The following LYPD8 variants were observed in gnomAD, a reference collection of about 807,000 sequenced individuals.
LYPD8 encodes the protein LY6/PLAUR domain containing 8, also known as ly6/PLAUR domain-containing protein 8.
In LYPD8, 8 loss-of-function variants were observed where a neutral mutation model predicts 1.7. The observed-to-expected ratio is 4.58, with a 90% CI of 2.69 to 8.27. LYPD8 has a LOEUF of 8.27. LYPD8 is among the 30% of genes most tolerant of loss of function. The probability of loss-of-function intolerance (pLI) is 0.00; values close to 1 mark genes in which losing one functional copy is unlikely to be tolerated. For synonymous variants in LYPD8, 50 were observed against 43.6 expected, an observed-to-expected ratio of 1.15 and a Z score of -0.58; for missense variants, 112 against 102.3, an observed-to-expected ratio of 1.09 and a Z score of -0.41.
At chr1:248,741,342 G>T (rs1244241686) in intron 6 of LYPD8, among the ~76,000 whole-genome samples, 3 of 152,174 alleles carry the variant, frequency 2.0e-5, no homozygotes, top group Non-Finnish European at 4.4e-5. Context: ...GAGTAGTACG[G>T]ACTACAGGCG....
intron 2 of LYPD8, among the ~76,000 whole-genome samples, chr1:248,752,745 A>C (rs1427384140): frequency 3.0e-5 from 3 of 98,584 alleles, no homozygotes; most frequent in Non-Finnish European, 4.2e-5. Flanking sequence ...CACACACACC[A>C]CACACCCCAC....
In LYPD8 at chr1:248,751,188, G is replaced by A. The variant is rs2103171633; in HGVS notation, c.-49-58C>T. On this transcript the variant is annotated intron_variant, in intron 2 of 6. Coordinates refer to ENST00000590317, the MANE Select transcript of LYPD8 (RefSeq NM_001085474.2). The stretch of plus-strand genomic sequence containing the variant: ...CTTGGAGGGCTGCCTCTCATCCCCT[G>A]GGGCTTTTAATCGCACTGTAAGAAG... 1.0e-5 allele frequency: 4 copies of A among 397,854 alleles called. No individual in the cohort carries two copies. In the South Asian group the frequency reaches 3.9e-4, roughly 39 times the overall value. The allele number at this position is 397,854 out of a possible 1,614,324, so 24.6% of individuals were successfully genotyped here.
intron 2 of LYPD8, among the ~76,000 whole-genome samples, chr1:248,753,810 CCA>C (rs1469737402): frequency 1.4e-5 from 2 of 147,374 alleles, no homozygotes; most frequent in African/African-American, 2.5e-5. Flanking sequence ...AGCACATACA[CCA>C]CACACACCAC....
rs1662747481 is a variant in LYPD8, at chr1:248,748,437, T to C, written c.189A>G (p.Leu63=). 7.3e-6 allele frequency: 3 copies of C among 409,972 alleles called. No individual in the cohort carries two copies. Among genetic ancestry groups the C allele is most frequent in the African/African-American group, 6.1e-5 (3 of 48,816 alleles). The allele number at this position is 409,972 out of a possible 1,614,324, so 25.4% of individuals were successfully genotyped here. A position where few individuals can be genotyped will look rare whatever the true frequency, so the allele number is the denominator to read the frequency against. The stretch of plus-strand genomic sequence containing the variant: ...CCGCTGAGCAGAACATATTCTGGTA[T>C]AATCTGACTGGTGTCTCTACACAAA... ...ASSSLETPVR[L]YQNMFCSAEN... Residue 63 remains leucine (L), a synonymous_variant, in exon 5 of 7, where the codon TTA becomes TTG. Coordinates refer to ENST00000590317, the MANE Select transcript of LYPD8 (RefSeq NM_001085474.2).
At chr1:248,752,034 G>T (rs1048449213) in intron 2 of LYPD8, among the ~76,000 whole-genome samples, 9 of 152,104 alleles carry the variant, frequency 5.9e-5, no homozygotes, top group Admixed American at 5.2e-4. Flanking sequence ...CAGGTGTGTG[G>T]CTCTGGCCTG....
intron 6 of LYPD8, among the ~76,000 whole-genome samples, chr1:248,743,841 C>G (rs1662670635): frequency 6.6e-6 from 1 of 152,216 alleles, no homozygotes; most frequent in Non-Finnish European, 1.5e-5. Flanking sequence ...ACAGAGCTGC[C>G]AAGACCCGGT....
intron 5 of LYPD8, 148 bp from the exon 6 acceptor site, chr1:248,745,427 T>A: frequency 2.5e-6 from 1 of 393,656 alleles, no homozygotes; most frequent in Non-Finnish European, 4.5e-6. Flanking sequence ...GAAAACACCA[T>A]GTCTCCTCAA....
chr1:248,745,066 A>G, intron 6 of LYPD8, 76 bp downstream of exon 6: 2 of 397,220 alleles, frequency 5.0e-6, no homozygotes, highest in Admixed American at 4.4e-5. Context: ...TTCTGTGTTA[A>G]CCCAGAATTT....
chr1:248,742,143 G>GA (rs1347897264), intron 6 of LYPD8, among the ~76,000 whole-genome samples: 9 of 152,168 alleles, frequency 5.9e-5, no homozygotes, highest in African/African-American at 1.9e-4. Flanking sequence ...TCACTGCTTA[G>GA]AAAAAATGTA....
intron 2 of LYPD8, among the ~76,000 whole-genome samples, chr1:248,751,981 C>A (rs944332002): frequency 2.0e-5 from 3 of 152,152 alleles, no homozygotes; most frequent in Admixed American, 2.0e-4. Flanking sequence ...GAAATTAGAA[C>A]TTCCAGAATT....
rs79649750 is a variant in LYPD8 at position 248,741,546 on chromosome 1, A to G, written c.476-1697T>C. On this transcript the variant is annotated intron_variant, in intron 6 of 6. Coordinates refer to ENST00000590317, the MANE Select transcript of LYPD8 (RefSeq NM_001085474.2). ...AGAGTGAGTTAAGGAGGTGTGTTTC[A>G]TGGAACATTTCTACTGTATTAAAAA... Among the ~76,000 whole-genome samples the G allele has an allele frequency of 2.1e-4, 32 of 152,336 alleles. No homozygotes were observed. In the East Asian group the frequency reaches 6.2e-3, roughly 29 times the overall value.
intron 2 of LYPD8, among the ~76,000 whole-genome samples, chr1:248,752,673 C>CCA (rs1350978175): frequency 5.8e-5 from 7 of 119,874 alleles, no homozygotes; most frequent in Non-Finnish European, 6.9e-5. Flanking sequence ...ACACACCACA[C>CCA]CACACACACA....
rs968256310 is a variant in LYPD8 at position 248,754,195 on chromosome 1, C to T, written c.-50+1044G>A. Among the ~76,000 whole-genome samples, 291 of 149,976 alleles carry T rather than the reference C, an allele frequency of 1.9e-3. 1 individual carries two copies. The highest frequency in any genetic ancestry group is 6.9e-3 in the African/African-American group (282 of 40,596). On this transcript the variant is annotated intron_variant, in intron 2 of 6. Transcript: ENST00000590317. ...ACATTAGGTACACACCGAACACACA[C>T]AACACACATTAAATGCCACATACAA...
chr1:248,746,662 AC>A (rs1662733298), intron 5 of LYPD8, among the ~76,000 whole-genome samples: 6 of 73,106 alleles, frequency 8.2e-5, no homozygotes, highest in South Asian at 7.5e-4. Context: ...CACGGCCAGC[AC>A]CCACCCAGGG....
chr1:248,744,810 C>T (rs186719522), intron 6 of LYPD8, among the ~76,000 whole-genome samples: 1 of 151,714 alleles, frequency 6.6e-6, no homozygotes, highest in African/African-American at 2.4e-5. Context: ...AAAGTTGCAC[C>T]ACCCTCACCT....
At chr1:248,744,686 A>G (rs1182982367) in intron 6 of LYPD8, among the ~76,000 whole-genome samples, 2 of 152,210 alleles carry the variant, frequency 1.3e-5, no homozygotes, top group Admixed American at 6.5e-5. Flanking sequence ...GAAAAGCACA[A>G]TTGGTTGGAT....
intron 2 of LYPD8, among the ~76,000 whole-genome samples, chr1:248,754,092 T>TG (rs1662886667): frequency 1.0e-5 from 1 of 99,728 alleles, no homozygotes; most frequent in African/African-American, 4.4e-5. Flanking sequence ...ATACACCACA[T>TG]ACACAAATAC....
chr1:248,749,935 T>C (rs1230153607), intron 4 of LYPD8, among the ~76,000 whole-genome samples: 1 of 151,440 alleles, frequency 6.6e-6, no homozygotes, highest in Non-Finnish European at 1.5e-5. Flanking sequence ...AAAAAAAAAC[T>C]ATAGCAAAAA....
At position 248,745,028 on chromosome 1, in the gene LYPD8, C is replaced by G. The variant is rs939360149; in HGVS notation, c.475+114G>C. Reference sequence around the variant, plus strand: ...TATTTAAAGACATTATGGCCCTTATCCCCCTTGTCCCACGACTCCCCTGGT... The same window carrying G: ...TATTTAAAGACATTATGGCCCTTATGCCCCTTGTCCCACGACTCCCCTGGT... On this transcript the variant is annotated intron_variant, in intron 6 of 6. Coordinates refer to ENST00000590317, the MANE Select transcript of LYPD8 (RefSeq NM_001085474.2). The G allele has an allele frequency of 1.0e-3, 395 of 393,898 alleles. 2 individuals carry two copies. The highest frequency in any genetic ancestry group is 7.3e-3 in the African/African-American group (354 of 48,654). The allele number at this position is 393,898 out of a possible 1,614,324, so 24.4% of individuals were successfully genotyped here.
Sources: allele counts gnomAD v4.1 joint callset (sites outside exome capture counted in the v4.1 genomes callset), GRCh38; gene constraint gnomAD v4.1.1; transcripts MANE v1.5; gene names NCBI Gene and HGNC (gene_info 2026-07-23, HGNC 2026-07-21).